Variants in ATXN8OS observed in about 807,000 individuals in gnomAD.
ATXN8OS encodes ATXN8 opposite strand (non-protein coding).
At chr13:70,117,433 CCTCA>C (rs1330261677) in intron 2 of ATXN8OS, among the ~76,000 whole-genome samples, 5 of 152,064 alleles carry the variant, frequency 3.3e-5, no homozygotes, top group African/African-American at 7.2e-5. Flanking sequence ...CAAAGCTCTT[CCTCA>C]CTCTTCAAGG....
intron 4 of ATXN8OS, among the ~76,000 whole-genome samples, chr13:70,152,506 T>C (rs1888883370): frequency 6.6e-6 from 1 of 151,984 alleles, no homozygotes; most frequent in African/African-American, 2.4e-5. Context: ...TATGTGTGTG[T>C]TTAATTGTTG....
At chr13:70,167,418 C>A (rs1361284387) in intron 4 of ATXN8OS, among the ~76,000 whole-genome samples, 1 of 151,844 alleles carries the variant, frequency 6.6e-6, no homozygotes, top group South Asian at 2.1e-4. Flanking sequence ...GGAAAAAAAA[C>A]CAAACACCAC....
intron 3 of ATXN8OS, among the ~76,000 whole-genome samples, chr13:70,141,712 T>G (rs983608223): frequency 1.3e-5 from 2 of 152,032 alleles, no homozygotes; most frequent in African/African-American, 4.8e-5. Context: ...GGAAACTGAT[T>G]ATAACATTTT....
At chr13:70,124,466 A>C (rs747218588) in intron 2 of ATXN8OS, among the ~76,000 whole-genome samples, 4 of 152,152 alleles carry the variant, frequency 2.6e-5, no homozygotes, top group Non-Finnish European at 4.4e-5. Context: ...ATCAAGAAAA[A>C]GCCTGAATAA....
intron 3 of ATXN8OS, chr13:70,131,370 C>T (rs1286234928): frequency 2.5e-6 from 1 of 398,370 alleles, no homozygotes; most frequent in East Asian, 3.6e-5. Context: ...AGCAGAAATG[C>T]ATTTTTAAAT....
chr13:70,109,320 T>C lies in ATXN8OS; in HGVS notation n.240+1301T>C, dbSNP rs144618855. On this transcript the variant is annotated intron_variant and non_coding_transcript_variant, in intron 1 of 4. Coordinates refer to ENST00000678624, the Ensembl canonical transcript of ATXN8OS. Reference sequence around the variant, plus strand: ...CCATTAAGATAGAACCCAGTAGTCTTTGTTGAAGGCAAAGGGACCAGAAAT... The same window carrying C: ...CCATTAAGATAGAACCCAGTAGTCTCTGTTGAAGGCAAAGGGACCAGAAAT... Among the ~76,000 whole-genome samples, 703 of 152,308 alleles carry C rather than the reference T, an allele frequency of 4.6e-3. 7 individuals are homozygous for C. Among genetic ancestry groups the C allele is most frequent in the African/African-American group, 0.016 (674 of 41,570 alleles).
chr13:70,128,876 CAG>C (rs1409103012), intron 2 of ATXN8OS, among the ~76,000 whole-genome samples: 2 of 148,448 alleles, frequency 1.3e-5, no homozygotes, highest in Admixed American at 6.7e-5. Flanking sequence ...TTTTTTGAGA[CAG>C]AGTTTTTCTT....
At chr13:70,116,813 C>T (rs570896011) in intron 2 of ATXN8OS, among the ~76,000 whole-genome samples, 2 of 152,186 alleles carry the variant, frequency 1.3e-5, no homozygotes, top group South Asian at 4.1e-4. Flanking sequence ...GTGGACCAGA[C>T]ATTGTTGCCA....
At chr13:70,129,036 A>G (rs953601212) in intron 2 of ATXN8OS, among the ~76,000 whole-genome samples, 4 of 151,790 alleles carry the variant, frequency 2.6e-5, no homozygotes, top group African/African-American at 4.8e-5. Flanking sequence ...AATTTTTTGT[A>G]TTTAGTAGAG....
chr13:70,153,021 T>TGA (rs1165086220), intron 4 of ATXN8OS, among the ~76,000 whole-genome samples: 1 of 122,544 alleles, frequency 8.2e-6, no homozygotes, highest in Non-Finnish European at 1.9e-5. Context: ...AAACTGTGTG[T>TGA]GTGTGTGTGT....
At chr13:70,137,425 C>A (rs1428071795) in intron 3 of ATXN8OS, among the ~76,000 whole-genome samples, 1 of 152,116 alleles carries the variant, frequency 6.6e-6, no homozygotes, top group South Asian at 2.1e-4. Flanking sequence ...TATGAAAGCA[C>A]TGATATATTT....
rs1440095087 is a variant in ATXN8OS at position 70,166,750 on chromosome 13, A to C, written n.574-3003A>C. On this transcript the variant is annotated intron_variant and non_coding_transcript_variant, in intron 4 of 4. Transcript: ENST00000678624. ...AAAAGGCAACCTACACAATGGGAGA[A>C]AATTTTTCCAACCTACTCATCTGAC... is the stretch of plus-strand genomic sequence containing the variant. Among the ~76,000 whole-genome samples, 3 of 152,258 alleles carry C rather than the reference A, an allele frequency of 2.0e-5. No homozygotes were observed. In the East Asian group the frequency reaches 5.8e-4, roughly 29 times the overall value.
intron 1 of ATXN8OS, among the ~76,000 whole-genome samples, chr13:70,109,209 C>G (rs1037706930): frequency 6.6e-6 from 1 of 152,154 alleles, no homozygotes; most frequent in Non-Finnish European, 1.5e-5. Context: ...TGTGTTTTCC[C>G]CTTATATCTA....
intron 4 of ATXN8OS, among the ~76,000 whole-genome samples, chr13:70,159,840 C>A (rs577662340): frequency 2.0e-5 from 3 of 152,312 alleles, no homozygotes; most frequent in East Asian, 3.9e-4. Flanking sequence ...ATTTGAAATT[C>A]ATTCACAACA....
intron 3 of ATXN8OS, among the ~76,000 whole-genome samples, chr13:70,147,296 A>C (rs1282238676): frequency 6.6e-6 from 1 of 152,226 alleles, no homozygotes; most frequent in Non-Finnish European, 1.5e-5. Context: ...AAAGTTATAG[A>C]GAAAATAAGT....
intron 1 of ATXN8OS, among the ~76,000 whole-genome samples, chr13:70,114,356 T>C (rs1888244383): frequency 6.6e-6 from 1 of 152,146 alleles, no homozygotes; most frequent in Admixed American, 6.6e-5. Flanking sequence ...TCTTTCTTTA[T>C]TGCTCAAAGG....
At chr13:70,116,223 T>C (rs142424155) in intron 2 of ATXN8OS, among the ~76,000 whole-genome samples, 84 of 150,192 alleles carry the variant, frequency 5.6e-4, no homozygotes, top group African/African-American at 2.0e-3. Context: ...AGGTGAGAGA[T>C]AGAAACTAAA....
At chr13:70,131,994 T>C (rs1159467648) in intron 3 of ATXN8OS, among the ~76,000 whole-genome samples, 1 of 152,158 alleles carries the variant, frequency 6.6e-6, no homozygotes, top group East Asian at 1.9e-4. Flanking sequence ...GTGTTCCAAA[T>C]AGATAACAAG....
chr13:70,108,821 T>C (rs1416109858), intron 1 of ATXN8OS, among the ~76,000 whole-genome samples: 2 of 152,208 alleles, frequency 1.3e-5, no homozygotes, highest in Non-Finnish European at 2.9e-5. Context: ...TTAGTTTCTC[T>C]GTAGTGAGAC....
Sources: gnomAD v4.1 joint callset for allele counts (sites outside exome capture counted in the v4.1 genomes callset) on GRCh38, gnomAD v4.1.1 for gene constraint, MANE v1.5 for transcripts, NCBI Gene and HGNC (gene_info 2026-07-23, HGNC 2026-07-21) for gene names.